XRCC4: variants seen among roughly 807,000 people sequenced by gnomAD.
XRCC4 encodes X-ray repair cross complementing 4.
Under a neutral mutation model 39.1 loss-of-function variants are expected in XRCC4, and 28 were observed. That is an observed-to-expected ratio of 0.72 (90% confidence interval 0.53 to 0.98). The LOEUF (loss-of-function observed/expected upper bound fraction) is 0.98, where lower values mean the gene tolerates loss of function less well. Ranked by LOEUF, XRCC4 falls within the 50% of genes least tolerant of loss-of-function variation. The pLI, the probability that XRCC4 is intolerant of heterozygous loss-of-function variation, is 0.00. For synonymous variants in XRCC4, 123 were observed against 126.4 expected (o/e 0.97, Z 0.18); for missense variants, 350 against 376.4 (o/e 0.93, Z 0.58).
the XRCC4 span, among the ~76,000 whole-genome samples, chr5:83,362,974 G>C: frequency 2.0e-5 from 3 of 152,262 alleles, no homozygotes; most frequent in Non-Finnish European, 4.4e-5. Context: ...TAGGCACTGG[G>C]GATATTAAAA....
At chr5:83,185,358 C>T (rs1750387542) in intron 3 of XRCC4, among the ~76,000 whole-genome samples, 1 of 124,986 alleles carries the variant, frequency 8.0e-6, no homozygotes, top group Non-Finnish European at 1.8e-5. Context: ...AACCACATGC[C>T]CAGCATTAAA....
chr5:83,142,117 G>A (rs916583283), intron 3 of XRCC4, among the ~76,000 whole-genome samples: 17 of 152,190 alleles, frequency 1.1e-4, no homozygotes, highest in South Asian at 6.2e-4. Flanking sequence ...GTGGGCTGGC[G>A]TTTTAGCTGC....
chr5:83,348,878 C>T (rs770063901), intron 7 of XRCC4, among the ~76,000 whole-genome samples: 4 of 152,202 alleles, frequency 2.6e-5, no homozygotes, highest in Non-Finnish European at 5.9e-5. Context: ...CAGCAGGCCA[C>T]ACCTTGAATG....
intron 7 of XRCC4, among the ~76,000 whole-genome samples, chr5:83,334,315 T>C (rs1012708056): frequency 2.0e-5 from 3 of 152,156 alleles, no homozygotes; most frequent in Non-Finnish European, 2.9e-5. Flanking sequence ...TTCCAGGAAC[T>C]GTAGTGTTAT....
At chr5:83,194,775 G>T (rs1397697212) in intron 3 of XRCC4, among the ~76,000 whole-genome samples, 3 of 152,036 alleles carry the variant, frequency 2.0e-5, no homozygotes, top group Non-Finnish European at 4.4e-5. Context: ...TTTTTGTCTA[G>T]TTGGGATACT....
chr5:83,193,019 A>T (rs2112691477), intron 3 of XRCC4, among the ~76,000 whole-genome samples: 1 of 152,344 alleles, frequency 6.6e-6, no homozygotes, highest in South Asian at 2.1e-4. Context: ...CGTTAAAATG[A>T]TACTTAAATT....
At chr5:83,197,114 A>G (rs1252257409) in intron 4 of XRCC4, among the ~76,000 whole-genome samples, 1 of 151,486 alleles carries the variant, frequency 6.6e-6, no homozygotes, top group Non-Finnish European at 1.5e-5. Flanking sequence ...AATTATTTAT[A>G]TATGTTATAT....
chr5:83,162,979 T>G (rs1749292448), intron 3 of XRCC4, among the ~76,000 whole-genome samples: 1 of 147,952 alleles, frequency 6.8e-6, no homozygotes, highest in South Asian at 2.1e-4. Flanking sequence ...CAGAAGAGTC[T>G]GGCTCTGTCC....
chr5:83,283,540 A>G (rs888477343), intron 7 of XRCC4, among the ~76,000 whole-genome samples: 2 of 152,338 alleles, frequency 1.3e-5, no homozygotes, highest in East Asian at 3.9e-4. Flanking sequence ...AAGCTCTCAT[A>G]TAACTAATTG....
intron 3 of XRCC4, among the ~76,000 whole-genome samples, chr5:83,175,366 TC>T (rs1749904908): frequency 6.6e-6 from 1 of 152,006 alleles, no homozygotes; most frequent in Admixed American, 6.6e-5. Flanking sequence ...GACCTTTACA[TC>T]CCATAATAGG....
chr5:83,282,715 G>GTCCCTC (rs1561453388), intron 7 of XRCC4, among the ~76,000 whole-genome samples: 1 of 151,950 alleles, frequency 6.6e-6, no homozygotes, highest in African/African-American at 2.4e-5. Flanking sequence ...GGTGGCAGGC[G>GTCCCTC]CCTGTAGTCC....
At chr5:83,292,493 A>T (rs1268740355) in intron 7 of XRCC4, among the ~76,000 whole-genome samples, 1 of 152,014 alleles carries the variant, frequency 6.6e-6, no homozygotes, top group African/African-American at 2.4e-5. Flanking sequence ...ATCTTTAAAT[A>T]TACATTTGAC....
intron 7 of XRCC4, among the ~76,000 whole-genome samples, chr5:83,265,490 C>G (rs1753922901): frequency 6.6e-6 from 1 of 152,138 alleles, no homozygotes; most frequent in Non-Finnish European, 1.5e-5. Flanking sequence ...ATTAATGGCC[C>G]CTTGGCCTTG....
At chr5:83,324,189 C>T (rs944637076) in intron 7 of XRCC4, among the ~76,000 whole-genome samples, 8 of 152,050 alleles carry the variant, frequency 5.3e-5, no homozygotes, top group South Asian at 2.1e-4. Context: ...CCTATTAAGC[C>T]GCAGAAAATA....
chr5:83,277,112 C>T (rs1345106500), intron 7 of XRCC4, among the ~76,000 whole-genome samples: 3 of 152,188 alleles, frequency 2.0e-5, no homozygotes, highest in Non-Finnish European at 4.4e-5. Flanking sequence ...GGGAACCTTT[C>T]AAGTTGTAGA....
intron 3 of XRCC4, among the ~76,000 whole-genome samples, chr5:83,186,464 A>G (rs1335438524): frequency 6.6e-6 from 1 of 152,072 alleles, no homozygotes; most frequent in Non-Finnish European, 1.5e-5. Flanking sequence ...TTCGCACATC[A>G]CCTTCTTACT....
chr5:83,113,794 T>G (rs1326714323), intron 3 of XRCC4, among the ~76,000 whole-genome samples: 1 of 151,962 alleles, frequency 6.6e-6, no homozygotes, highest in Non-Finnish European at 1.5e-5. Flanking sequence ...GCCCAGCTAA[T>G]TTTTTGTATT....
intron 6 of XRCC4, among the ~76,000 whole-genome samples, chr5:83,213,441 C>G (rs1054534773): frequency 3.3e-5 from 5 of 151,580 alleles, no homozygotes; most frequent in African/African-American, 1.2e-4. Context: ...TAGATAGATA[C>G]AATATACATG....
chr5:83,207,855 C>T (rs1751480447), intron 6 of XRCC4, among the ~76,000 whole-genome samples: 1 of 151,966 alleles, frequency 6.6e-6, no homozygotes, highest in Admixed American at 6.6e-5. Flanking sequence ...GAATTTCTTC[C>T]TGATCTTATT....
Sources: allele counts gnomAD v4.1 joint callset (sites outside exome capture counted in the v4.1 genomes callset), GRCh38; gene constraint gnomAD v4.1.1; transcripts MANE v1.5; gene names NCBI Gene and HGNC (gene_info 2026-07-23, HGNC 2026-07-21).